ETV3: variants seen among roughly 807,000 people sequenced by gnomAD.
ETV3 encodes ETS translocation variant 3.
A neutral mutation model predicts 33.0 loss-of-function variants in ETV3; 8 were observed. That is an observed-to-expected ratio of 0.24 (90% confidence interval 0.14 to 0.44). ETV3 has a LOEUF of 0.44. Ranked by LOEUF, ETV3 falls within the 20% of genes least tolerant of loss-of-function variation. The pLI, the probability that ETV3 is intolerant of heterozygous loss-of-function variation, is 1.00. For synonymous variants in ETV3, 222 were observed against 238.9 expected, an observed-to-expected ratio of 0.93 and a Z score of 0.65; for missense variants, 473 against 652.3, an observed-to-expected ratio of 0.73 and a Z score of 2.99.
intron 3 of ETV3, 116 bp downstream of exon 3, chr1:157,135,355 T>TATTCACTAA: frequency 8.1e-7 from 1 of 1,241,768 alleles, no homozygotes; most frequent in Admixed American, 2.1e-5. Flanking sequence ...AGTGACACAT[T>TATTCACTAA]ATTCACTAAG....
At chr1:157,126,780 T>TCCAGAGAAGCTCTGCTTGG in intron 4 of ETV3, among the ~76,000 whole-genome samples, 2 of 138,486 alleles carry the variant, frequency 1.4e-5, no homozygotes, top group African/African-American at 5.6e-5. Flanking sequence ...TGGCTGACTG[T>TCCAGAGAAGCTCTGCTTGG]GCGGAGGGAC....
chr1:157,124,765 C>CCCCCTCAA lies in ETV3; in HGVS notation c.*75_*76insTTGAGGGG. 1 of 408,016 alleles carries CCCCCTCAA rather than the reference C, an allele frequency of 2.5e-6. No individual in the cohort carries two copies. The highest frequency in any genetic ancestry group is 7.1e-5 in the South Asian group (1 of 14,094). 25.3% of individuals were successfully genotyped at this position (408,016 alleles called of 1,614,324 possible). ...CAAACCAGTTTAACTCCCTCCCCCC[C>CCCCCTCAA]ACCCTGAAATCTTGCTACATAAATA... is the stretch of plus-strand genomic sequence containing the variant. On this transcript the variant is annotated 3_prime_UTR_variant, in exon 5 of 5. Transcript: ENST00000368192.
intron 3 of ETV3, among the ~76,000 whole-genome samples, chr1:157,134,751 C>T (rs1675055882): frequency 6.6e-6 from 1 of 152,228 alleles, no homozygotes; most frequent in African/African-American, 2.4e-5. Flanking sequence ...TGGCCCGCCT[C>T]ACCTTCAAAG....
Position 157,123,301 on chromosome 1 carries a change from C to T in ETV3, c.*1540G>A, listed in dbSNP as rs1674746691. 6.6e-6 allele frequency: 1 copy of T among 152,254 alleles called. No individual in the cohort carries two copies. Among genetic ancestry groups the T allele is most frequent in the African/African-American group, 2.4e-5 (1 of 41,462 alleles). 9.4% of individuals were successfully genotyped at this position (152,254 alleles called of 1,614,324 possible). ...TGGGCTGCTGCTTCTTTCTCTCTGC[C>T]CCTAGTCCAGGCTCCTTTGCTTCAC... is the stretch of plus-strand genomic sequence containing the variant. On this transcript the variant is annotated 3_prime_UTR_variant, in exon 5 of 5. Coordinates refer to ENST00000368192, the MANE Select transcript of ETV3 (RefSeq NM_001145312.3).
chr1:157,121,648 A>G lies in ETV3; in HGVS notation c.*3193T>C, dbSNP rs1430377301. The G allele has an allele frequency of 6.6e-6, 1 of 152,262 alleles. No homozygotes were observed. The highest frequency in any genetic ancestry group is 1.5e-5 in the Non-Finnish European group (1 of 68,052). 9.4% of individuals were successfully genotyped at this position (152,262 alleles called of 1,614,324 possible). A position where few individuals can be genotyped will look rare whatever the true frequency, so the allele number is the denominator to read the frequency against. On this transcript the variant is annotated 3_prime_UTR_variant, in exon 5 of 5. Transcript: ENST00000368192. ...CAAAGTTGTCTTCTAAACAAAATAA[A>G]AATGTACGTTCCATTACTGTTTACA...
intron 1 of ETV3, among the ~76,000 whole-genome samples, chr1:157,138,054 C>T (rs1675165741): frequency 6.6e-6 from 1 of 152,216 alleles, no homozygotes; most frequent in Admixed American, 6.5e-5. Context: ...CCAGAACCTC[C>T]TTGCCATTCA....
At chr1:157,137,080 C>T (rs749918377) in intron 1 of ETV3, among the ~76,000 whole-genome samples, 2 of 152,074 alleles carry the variant, frequency 1.3e-5, no homozygotes, top group Non-Finnish European at 2.9e-5. Context: ...TTTCTGAAGC[C>T]CTTCTGGCCA....
chr1:157,135,385 C>T (rs1571702658), intron 3 of ETV3, 86 bp downstream of exon 3: 1 of 1,493,358 alleles, frequency 6.7e-7, no homozygotes, highest in Admixed American at 1.8e-5. Context: ...TCTTTTATTA[C>T]CTGATACCCT....
At chr1:157,131,835 A>C in intron 4 of ETV3, among the ~76,000 whole-genome samples, 1 of 152,238 alleles carries the variant, frequency 6.6e-6, no homozygotes, top group East Asian at 1.9e-4. Flanking sequence ...TACCTTAAAC[A>C]ACATTTGGCC....
chr1:157,126,082 A>G, intron 4 of ETV3, 103 bp from the exon 5 acceptor site: 1 of 1,072,442 alleles, frequency 9.3e-7, no homozygotes, highest in Non-Finnish European at 1.3e-6. Context: ...ACAGGAAACA[A>G]TCATTCCAAC....
intron 1 of ETV3, among the ~76,000 whole-genome samples, chr1:157,136,570 T>C (rs565196246): frequency 8.5e-5 from 13 of 152,326 alleles, no homozygotes; most frequent in African/African-American, 2.9e-4. Flanking sequence ...TCAAAAGCCA[T>C]AATTATCTCT....
chr1:157,133,307 A>T, intron 4 of ETV3: 1 of 646,930 alleles, frequency 1.5e-6, no homozygotes, highest in Non-Finnish European at 1.9e-6. Flanking sequence ...ATATGAATGG[A>T]GTTTGGTACT....
At chr1:157,137,237 G>A (rs1201115892) in intron 1 of ETV3, among the ~76,000 whole-genome samples, 2 of 152,056 alleles carry the variant, frequency 1.3e-5, no homozygotes, top group African/African-American at 2.4e-5. Context: ...GAGGGACATG[G>A]AGGGAGGGCA....
intron 4 of ETV3, 136 bp from the exon 5 acceptor site, chr1:157,126,115 C>T (rs1262586478): frequency 2.5e-6 from 2 of 795,270 alleles, no homozygotes; most frequent in Non-Finnish European, 3.9e-6. Context: ...CACAGTTCTC[C>T]AACTTCCTAG....
intron 1 of ETV3, among the ~76,000 whole-genome samples, chr1:157,137,018 G>C (rs1314252285): frequency 6.6e-6 from 1 of 152,108 alleles, no homozygotes; most frequent in African/African-American, 2.4e-5. Flanking sequence ...AAAATTTTTT[G>C]AGAAAAATTA....
chr1:157,126,088 C>T (rs979258475), intron 4 of ETV3, 109 bp from the exon 5 acceptor site: 1 of 1,009,330 alleles, frequency 9.9e-7, no homozygotes, highest in Non-Finnish European at 1.4e-6. Context: ...AACAATCATT[C>T]CAACTGGACT....
intron 4 of ETV3, among the ~76,000 whole-genome samples, chr1:157,131,194 G>T (rs1002495893): frequency 1.3e-5 from 2 of 152,254 alleles, no homozygotes; most frequent in South Asian, 2.1e-4. Flanking sequence ...TAGACTGAGC[G>T]GTATCAAGTC....
chr1:157,123,411 T>C lies in ETV3; in HGVS notation c.*1430A>G, dbSNP rs1674749852. ...ACAATTCCTCACTGCCTATAAACTG[T>C]AGTCTCATGTGGGATAGTCAATTGA... On this transcript the variant is annotated 3_prime_UTR_variant, in exon 5 of 5. Transcript: ENST00000368192. 1 of 152,276 alleles carries C rather than the reference T, an allele frequency of 6.6e-6. No homozygotes were observed. The allele number at this position is 152,276 out of a possible 1,614,324, so 9.4% of individuals were successfully genotyped here. A position where few individuals can be genotyped will look rare whatever the true frequency, so the allele number is the denominator to read the frequency against.
rs539453897 is a variant in ETV3, at chr1:157,127,536, T to A, written c.401-1557A>T. 1.2e-4 allele frequency among the ~76,000 whole-genome samples: 18 copies of A among 151,722 alleles called. No individual in the cohort carries two copies. The South Asian group carries it at 3.7e-3, about 32-fold the overall frequency. ...GTGATAACATACACTGTGCTACTTA[T>A]GTCAACTTTTTTTTTTTTTTTTTTT... On this transcript the variant is annotated intron_variant, in intron 4 of 4. Coordinates refer to ENST00000368192, the MANE Select transcript of ETV3 (RefSeq NM_001145312.3).
Sources: allele counts gnomAD v4.1 joint callset (sites outside exome capture counted in the v4.1 genomes callset), GRCh38; gene constraint gnomAD v4.1.1; transcripts MANE v1.5; gene names NCBI Gene and HGNC (gene_info 2026-07-23, HGNC 2026-07-21).